Variants in NEXN observed in about 807,000 individuals in gnomAD.
NEXN encodes nexilin F-actin binding protein.
NEXN carries 65 observed loss-of-function variants against 92.6 expected under a neutral mutation model. That is an observed-to-expected ratio of 0.70 (90% CI 0.57 to 0.86). The LOEUF (loss-of-function observed/expected upper bound fraction) is 0.86, where lower values mean the gene tolerates loss of function less well. Among genes scored for constraint, NEXN ranks in the 40% least tolerant of loss-of-function variants. The pLI, the probability that NEXN is intolerant of heterozygous loss-of-function variation, is 0.00. For missense variants in NEXN, 778 were observed against 771.1 expected (o/e 1.01, Z -0.11); for synonymous variants, 254 against 242.5 (o/e 1.05, Z -0.44).
chr1:77,916,230 T>G, intron 2 of NEXN, 97 bp downstream of exon 2: 1 of 847,838 alleles, frequency 1.2e-6, no homozygotes, highest in Non-Finnish European at 1.8e-6. Flanking sequence ...AGGTCATATT[T>G]AGGAGTTCAT....
intron 1 of NEXN, among the ~76,000 whole-genome samples, chr1:77,896,186 A>AAATAAATAAATG (rs1647244822): frequency 6.6e-6 from 1 of 151,842 alleles, no homozygotes; most frequent in South Asian, 2.1e-4. Flanking sequence ...ATAAATAAAT[A>AAATAAATAAATG]AATAAATAAA....
At chr1:77,917,535 A>T in intron 2 of NEXN, 31 bp from the exon 3 acceptor site, 1 of 1,529,338 alleles carries the variant, frequency 6.5e-7, no homozygotes, top group Non-Finnish European at 9.0e-7. Context: ...TTTTTCGTTA[A>T]CTTTCTTTTT....
intron 1 of NEXN, among the ~76,000 whole-genome samples, chr1:77,903,146 G>A (rs2102053352): frequency 6.6e-6 from 1 of 152,026 alleles, no homozygotes; most frequent in Non-Finnish European, 1.5e-5. Context: ...AGGTAGAGAT[G>A]GCAGTAGTTG....
At chr1:77,910,481 G>A (rs938782625) in intron 1 of NEXN, among the ~76,000 whole-genome samples, 6 of 152,116 alleles carry the variant, frequency 3.9e-5, no homozygotes, top group African/African-American at 1.4e-4. Flanking sequence ...GGCTGGGCTC[G>A]GTGGCTAACG....
intron 1 of NEXN, among the ~76,000 whole-genome samples, chr1:77,895,231 G>A (rs1647204677): frequency 6.6e-6 from 1 of 151,446 alleles, no homozygotes; most frequent in Non-Finnish European, 1.5e-5. Flanking sequence ...ATTTTTAGTA[G>A]AGATGGGGTT....
intron 2 of NEXN, 118 bp downstream of exon 2, chr1:77,916,251 A>G (rs1204858478): frequency 4.9e-6 from 3 of 612,540 alleles, no homozygotes; most frequent in African/African-American, 1.9e-5. Context: ...AATTAATAAC[A>G]TAATGGCAAG....
chr1:77,942,766 A>G lies in NEXN; in HGVS notation c.1965A>G (p.Lys655=), dbSNP rs758715031. 1.6e-5 allele frequency: 26 copies of G among 1,613,366 alleles called. No individual in the cohort carries two copies. Among genetic ancestry groups the G allele is most frequent in the Non-Finnish European group, 2.2e-5 (26 of 1,179,670 alleles). ...FPEDGGEYMC[K]AVNNKGSAAS... is the part of the protein sequence containing the mutation. ...AAGATGGAGGAGAGTATATGTGTAA[A>G]GCAGTCAACAATAAAGGATCTGCAG... Residue 655 remains lysine (K), a synonymous_variant, in exon 13 of 13, where the codon AAA becomes AAG. Transcript: ENST00000334785.
chr1:77,939,908 T>A (rs1483083582), intron 11 of NEXN, among the ~76,000 whole-genome samples: 3 of 152,152 alleles, frequency 2.0e-5, no homozygotes, highest in African/African-American at 7.2e-5. Context: ...ACCCTGTCTC[T>A]ACTAAAAATA....
chr1:77,918,196 G>A lies in NEXN; in HGVS notation c.370G>A (p.Glu124Lys), dbSNP rs372745590. The A allele has an allele frequency of 4.5e-5, 72 of 1,613,920 alleles. 1 individual carries two copies. The highest frequency in any genetic ancestry group is 5.7e-5 in the Non-Finnish European group (67 of 1,179,980). Residue 124 changes from glutamate to lysine, a missense_variant, in exon 5 of 13, where the codon GAA (glutamate) becomes AAA (lysine). Around this residue, in one of 3 missense-constraint regions of NEXN, gnomAD observed 236 missense variants for 265.6 expected, o/e 0.89. Coordinates refer to ENST00000334785, the MANE Select transcript of NEXN (RefSeq NM_144573.4). Reference sequence around the variant, plus strand: ...GGAACAAAGGAAGAGAACGGAGGAGGAACGAAAACGCAGAATTGAGCAGGA... The same window carrying A: ...GGAACAAAGGAAGAGAACGGAGGAGAAACGAAAACGCAGAATTGAGCAGGA... ...QEEQRKRTEE[E>K]RKRRIEQDML...
chr1:77,938,983 A>G (rs1651026406), intron 11 of NEXN, among the ~76,000 whole-genome samples: 2 of 152,342 alleles, frequency 1.3e-5, no homozygotes, highest in African/African-American at 4.8e-5. Context: ...AACAATGTTA[A>G]TAACTTTTTA....
In NEXN at chr1:77,925,216, A is replaced by C. The variant is rs1649753214; in HGVS notation, c.476A>C (p.Glu159Ala). Residue 159 changes from glutamate to alanine, a missense_variant, in exon 6 of 13, where the codon GAA becomes GCA. Physicochemically the swap from Glu to Ala is moderately radical, Grantham distance 107. Transcript: ENST00000334785. The part of the protein sequence containing the change: ...QIEDINNTGT[E>A]SASEEGDDSL... ...GAGGACATAAACAATACGGGAACTG[A>C]ATCAGCATCAGAGGTAAACAGACAT... The C allele has an allele frequency of 6.3e-7, 1 of 1,597,880 alleles. No individual in the cohort carries two copies. Among genetic ancestry groups the C allele is most frequent in the Admixed American group, 1.7e-5 (1 of 59,940 alleles).
chr1:77,925,257 A>G lies in NEXN; in HGVS notation c.489+28A>G, dbSNP rs778278322. 9 of 1,519,214 alleles carry G rather than the reference A, an allele frequency of 5.9e-6. No homozygotes were observed. In the African/African-American group the frequency reaches 1.2e-4, roughly 21 times the overall value. 94.1% of individuals were successfully genotyped at this position (1,519,214 alleles called of 1,614,324 possible). ...AAACAGACATTTCCTTTAATGAAAC[A>G]TTCACCTAAAATTATCTGATTCACA... On this transcript the variant is annotated intron_variant, in intron 6 of 12. Coordinates refer to ENST00000334785, the MANE Select transcript of NEXN (RefSeq NM_144573.4).
chr1:77,928,392 A>G (rs1014628442), intron 8 of NEXN, among the ~76,000 whole-genome samples: 22 of 151,884 alleles, frequency 1.4e-4, no homozygotes, highest in African/African-American at 5.3e-4. Context: ...TTCTTGAATG[A>G]TGTTCTAAGA....
intron 1 of NEXN, among the ~76,000 whole-genome samples, chr1:77,906,592 T>C (rs116292439): frequency 0.047 from 7,198 of 152,012 alleles, 229 homozygotes; most frequent in East Asian, 0.11. Context: ...TATGAGGGGG[T>C]TTATGAAAAG....
intron 5 of NEXN, among the ~76,000 whole-genome samples, chr1:77,923,677 CTCT>C (rs1251247610): frequency 1.7e-5 from 2 of 120,964 alleles, no homozygotes; most frequent in Non-Finnish European, 3.3e-5. Context: ...AAATTGAGCT[CTCT>C]TTTTTTTTTT....
rs749182975 is a variant in NEXN at position 77,917,604 on chromosome 1, T to C, written c.66T>C (p.Tyr22=). ...LSSSKPVPKT[Y]VPKLGKGDVK... is the part of the protein sequence containing the mutation. ...CATCTAAACCTGTCCCAAAAACCTA[T>C]GTACCAAAACTTGGCAAGGGTGATG... The change falls in exon 3 of 13, where the codon TAT becomes TAC. Residue 22 remains tyrosine (Y), a synonymous_variant. Transcript: ENST00000334785. 6.8e-6 allele frequency: 11 copies of C among 1,613,440 alleles called. No individual in the cohort carries two copies. Among genetic ancestry groups the C allele is most frequent in the South Asian group, 1.1e-5 (1 of 91,018 alleles).
At chr1:77,899,249 G>T (rs1001366970) in intron 1 of NEXN, among the ~76,000 whole-genome samples, 1 of 152,062 alleles carries the variant, frequency 6.6e-6, no homozygotes, top group Non-Finnish European at 1.5e-5. Context: ...CAAAGACTTG[G>T]AACCAACCCA....
At chr1:77,892,203 T>G (rs759346790) in intron 1 of NEXN, among the ~76,000 whole-genome samples, 4 of 152,220 alleles carry the variant, frequency 2.6e-5, no homozygotes, top group Non-Finnish European at 5.9e-5. Flanking sequence ...TGGGTTCACT[T>G]TTTTAAAGAA....
At chr1:77,892,868 C>CTT (rs201767250) in intron 1 of NEXN, among the ~76,000 whole-genome samples, 13 of 140,256 alleles carry the variant, frequency 9.3e-5, no homozygotes, top group East Asian at 2.1e-4. Context: ...TGTAAATAAT[C>CTT]TTTTTTTTTT....
Sources: allele counts gnomAD v4.1 joint callset (sites outside exome capture counted in the v4.1 genomes callset), GRCh38; gene constraint gnomAD v4.1.1; regional missense constraint gnomAD v4.1.1; transcripts MANE v1.5; gene names NCBI Gene and HGNC (gene_info 2026-07-23, HGNC 2026-07-21).